STAG1: variants seen among roughly 807,000 people sequenced by gnomAD.
STAG1 encodes cohesin subunit SA-1.
A neutral mutation model predicts 170.9 loss-of-function variants in STAG1; 26 were observed. The ratio of observed to expected loss-of-function variants is 0.15; its 90% CI spans 0.11 to 0.21. The LOEUF is 0.21. Ranked by LOEUF, STAG1 falls within the 10% of genes least tolerant of loss-of-function variation. The probability of loss-of-function intolerance (pLI) is 1.00; values close to 1 mark genes in which losing one functional copy is unlikely to be tolerated. For missense variants in STAG1, 964 were observed against 1,509.5 expected, an observed-to-expected ratio of 0.64 and a Z score of 5.99; for synonymous variants, 514 against 497.7, an observed-to-expected ratio of 1.03 and a Z score of -0.44.
intron 5 of STAG1, among the ~76,000 whole-genome samples, chr3:136,549,609 T>C (rs1576595647): frequency 6.6e-6 from 1 of 151,832 alleles, no homozygotes; most frequent in Non-Finnish European, 1.5e-5. Flanking sequence ...CCTGGTTTTC[T>C]ATATATAAGA....
intron 21 of STAG1, among the ~76,000 whole-genome samples, chr3:136,402,979 G>GC (rs2087372993): frequency 6.6e-6 from 1 of 151,750 alleles, no homozygotes; most frequent in Non-Finnish European, 1.5e-5. Context: ...TGTAATCCCA[G>GC]CACTTTGGGA....
chr3:136,729,210 T>C (rs1576821552), intron 1 of STAG1, among the ~76,000 whole-genome samples: 1 of 152,126 alleles, frequency 6.6e-6, no homozygotes, highest in Non-Finnish European at 1.5e-5. Context: ...TTCACCATGT[T>C]GCCCAGGCTG....
chr3:136,444,615 GATGC>G (rs2088723403), intron 14 of STAG1, among the ~76,000 whole-genome samples: 1 of 152,164 alleles, frequency 6.6e-6, no homozygotes, highest in Non-Finnish European at 1.5e-5. Flanking sequence ...TTCAAAAAAT[GATGC>G]ACAGTAGAAA....
In STAG1 at chr3:136,627,271, G is replaced by A. The variant is rs562384716; in HGVS notation, c.29+3599C>T. On this transcript the variant is annotated intron_variant, in intron 2 of 33. Transcript: ENST00000383202. ...CTAGGCTTTTGAAAAAGAAAATTTC[G>A]AGCAACAGAAAATATATAAGAATAC... Among the ~76,000 whole-genome samples the A allele has an allele frequency of 3.3e-5, 5 of 152,102 alleles. No individual in the cohort carries two copies. The East Asian group carries it at 5.8e-4, about 18-fold the overall frequency.
intron 3 of STAG1, among the ~76,000 whole-genome samples, chr3:136,611,191 C>A (rs1337808798): frequency 6.6e-6 from 1 of 152,138 alleles, no homozygotes; most frequent in Non-Finnish European, 1.5e-5. Context: ...CTCTTGCCGC[C>A]CAGGCTGGAT....
At chr3:136,454,535 T>C (rs2089049788) in intron 13 of STAG1, among the ~76,000 whole-genome samples, 1 of 150,830 alleles carries the variant, frequency 6.6e-6, no homozygotes, top group South Asian at 2.1e-4. Flanking sequence ...TGTGCCACCA[T>C]GCCAGGCCAA....
At chr3:136,587,886 C>CG (rs995261688) in intron 4 of STAG1, among the ~76,000 whole-genome samples, 22 of 151,964 alleles carry the variant, frequency 1.4e-4, no homozygotes, top group Admixed American at 3.9e-4. Flanking sequence ...AGCTTGAACC[C>CG]GGGGGGGCGG....
intron 4 of STAG1, among the ~76,000 whole-genome samples, chr3:136,597,291 TAAAGA>T (rs1352626012): frequency 6.6e-6 from 1 of 152,104 alleles, no homozygotes; most frequent in Non-Finnish European, 1.5e-5. Flanking sequence ...ATATTCTTAG[TAAAGA>T]AAAGAAAGAA....
intron 1 of STAG1, among the ~76,000 whole-genome samples, chr3:136,743,408 A>T (rs1934778572): frequency 6.6e-6 from 1 of 152,070 alleles, no homozygotes; most frequent in Non-Finnish European, 1.5e-5. Flanking sequence ...GAAATTAAAG[A>T]AGAGATATCA....
At chr3:136,621,489 G>A (rs1368231879) in intron 3 of STAG1, among the ~76,000 whole-genome samples, 2 of 152,126 alleles carry the variant, frequency 1.3e-5, no homozygotes, top group Non-Finnish European at 2.9e-5. Flanking sequence ...ATAGTCAACA[G>A]CTTCCAAGTG....
At chr3:136,684,294 A>G (rs558672361) in intron 1 of STAG1, among the ~76,000 whole-genome samples, 2 of 152,384 alleles carry the variant, frequency 1.3e-5, no homozygotes, top group South Asian at 4.1e-4. Flanking sequence ...ATAAATCTAC[A>G]GTAATCAAAA....
At chr3:136,705,378 A>AAC (rs3066789) in intron 1 of STAG1, among the ~76,000 whole-genome samples, 1,842 of 143,252 alleles carry the variant, frequency 0.013, 13 homozygotes, top group East Asian at 0.047. Context: ...ATGATCATCA[A>AAC]ACACACACAC....
intron 6 of STAG1, among the ~76,000 whole-genome samples, chr3:136,527,025 A>T (rs1300768659): frequency 6.6e-6 from 1 of 151,890 alleles, no homozygotes; most frequent in Admixed American, 6.6e-5. Context: ...TGCCCTTAAC[A>T]TTTTTTCCTT....
chr3:136,388,239 GAAGTACCTTGC>G (rs1379478806), intron 22 of STAG1, among the ~76,000 whole-genome samples: 2 of 152,168 alleles, frequency 1.3e-5, no homozygotes, highest in Admixed American at 6.6e-5. Context: ...AGCTCAAGGT[GAAGTACCTTGC>G]TTATCTTGCC....
chr3:136,469,337 G>A (rs931930397), intron 12 of STAG1, among the ~76,000 whole-genome samples: 11 of 151,920 alleles, frequency 7.2e-5, no homozygotes, highest in Non-Finnish European at 1.2e-4. Flanking sequence ...TTATACACCA[G>A]TAACAGACAA....
intron 1 of STAG1, among the ~76,000 whole-genome samples, chr3:136,738,164 A>C (rs1934453120): frequency 6.6e-6 from 1 of 152,164 alleles, no homozygotes; most frequent in African/African-American, 2.4e-5. Flanking sequence ...GGATGGGAGC[A>C]GGGATGGGGA....
At chr3:136,374,421 C>G (rs989500427) in intron 23 of STAG1, among the ~76,000 whole-genome samples, 4 of 152,062 alleles carry the variant, frequency 2.6e-5, no homozygotes, top group Admixed American at 2.6e-4. Flanking sequence ...AATTCGAGAC[C>G]AGCCTGACCA....
In STAG1 at chr3:136,591,279, GA is replaced by G. The variant is rs1275972147; in HGVS notation, c.297+13029del. On this transcript the variant is annotated intron_variant, in intron 4 of 33. Transcript: ENST00000383202. ...AGGGAGGAGGGAGGAGGGGAGGAGG[GA>G]AGGCGGGAAGGTGGGAAGGCAGGAA... Among the ~76,000 whole-genome samples the G allele has an allele frequency of 3.5e-5, 5 of 144,868 alleles. No homozygotes were observed. In the East Asian group the frequency reaches 1.1e-3, roughly 31 times the overall value.
chr3:136,422,267 A>G (rs1576450469), intron 19 of STAG1, 143 bp downstream of exon 19: 1 of 652,850 alleles, frequency 1.5e-6, no homozygotes, highest in East Asian at 2.8e-5. Flanking sequence ...AGAATACACA[A>G]TTGTAATAAG....
Sources: allele counts gnomAD v4.1 joint callset (sites outside exome capture counted in the v4.1 genomes callset), GRCh38; gene constraint gnomAD v4.1.1; transcripts MANE v1.5; gene names NCBI Gene and HGNC (gene_info 2026-07-23, HGNC 2026-07-21).